Variants in ZNF676 observed in about 807,000 individuals in gnomAD.
The protein encoded by ZNF676 is zinc finger protein 676.
In ZNF676, 4 loss-of-function variants were observed where a neutral mutation model predicts 6.0. The ratio of observed to expected loss-of-function variants is 0.67; its 90% CI spans 0.33 to 1.53. The LOEUF (loss-of-function observed/expected upper bound fraction) is 1.53, where lower values mean the gene tolerates loss of function less well. Ranked by LOEUF, ZNF676 falls within the 40% of genes most tolerant of loss-of-function variation. ZNF676 has a pLI of 0.06. For missense variants in ZNF676, 644 were observed against 679.7 expected, an observed-to-expected ratio of 0.95 and a Z score of 0.58; for synonymous variants, 198 against 223.1, an observed-to-expected ratio of 0.89 and a Z score of 1.00.
upstream of ZNF676, among the ~76,000 whole-genome samples, chr19:22,199,240 T>G (rs1415079911): frequency 6.6e-6 from 1 of 152,218 alleles, no homozygotes; most frequent in African/African-American, 2.4e-5. Context: ...GCGCTGTCAA[T>G]AATGATGTTG....
In ZNF676 at chr19:22,181,410, G is replaced by C; in HGVS notation, c.307C>G (p.Gln103Glu). The C allele has an allele frequency of 8.1e-6, 13 of 1,613,514 alleles. No homozygotes were observed. Among genetic ancestry groups the C allele is most frequent in the Non-Finnish European group, 1.1e-5 (13 of 1,179,644 alleles). Residue 103 changes from glutamine (Q) to glutamate (E), a missense_variant, in exon 3 of 3, where the codon CAG (glutamine) becomes GAG (glutamate). Around this residue, in one of 5 missense-constraint regions of ZNF676, gnomAD observed 280 missense variants for 269.3 expected, o/e 1.04. Coordinates refer to ENST00000397121, the MANE Select transcript of ZNF676 (RefSeq NM_001001411.3). ...VHKEGYNKLN[Q>E]SLTTTQSKVF... ...TTGCTCTGTGTAGTTGTTAAACTCT[G>C]GTTAAGTTTATTATAACCTTCTTTG...
chr19:22,194,293 T>C (rs970684348), intron 1 of ZNF676, among the ~76,000 whole-genome samples: 3 of 152,290 alleles, frequency 2.0e-5, no homozygotes, highest in Admixed American at 1.3e-4. Context: ...ATGCCCCTGC[T>C]GCAGAAATGC....
the ZNF676 span, among the ~76,000 whole-genome samples, chr19:22,252,869 A>G: frequency 9.3e-4 from 142 of 152,354 alleles, no homozygotes; most frequent in African/African-American, 3.1e-3. Flanking sequence ...AGGCAGGAGC[A>G]TAAAATTGCT....
intron 2 of ZNF676, among the ~76,000 whole-genome samples, chr19:22,186,467 G>T (rs1341671117): frequency 3.9e-5 from 6 of 152,120 alleles, no homozygotes; most frequent in African/African-American, 1.4e-4. Flanking sequence ...TGAAGAAACT[G>T]CATCAACTAA....
chr19:22,257,597 G>A, the ZNF676 span, among the ~76,000 whole-genome samples: 3 of 152,168 alleles, frequency 2.0e-5, no homozygotes, highest in Admixed American at 2.0e-4. Flanking sequence ...CTCAGACATT[G>A]CACCCAGACA....
At chr19:22,224,883 A>G in the ZNF676 span, among the ~76,000 whole-genome samples, 3 of 152,154 alleles carry the variant, frequency 2.0e-5, no homozygotes, top group Non-Finnish European at 4.4e-5. Flanking sequence ...TGGTTCCAGC[A>G]ACCTGGGAGA....
At chr19:22,208,670 G>C (rs1387519298) in intron 1 of ZNF676, among the ~76,000 whole-genome samples, 2 of 152,196 alleles carry the variant, frequency 1.3e-5, no homozygotes. Flanking sequence ...GTATGGTTGG[G>C]CATGATGGCA....
chr19:22,249,760 G>A, the ZNF676 span, among the ~76,000 whole-genome samples: 2 of 11,616 alleles, frequency 1.7e-4, no homozygotes, highest in Non-Finnish European at 5.4e-4. Flanking sequence ...TAAGTACAAC[G>A]GGTTTTTTTT....
the ZNF676 span, among the ~76,000 whole-genome samples, chr19:22,232,593 T>G: frequency 6.6e-6 from 1 of 152,078 alleles, no homozygotes; most frequent in East Asian, 1.9e-4. Context: ...TAGAGAACAC[T>G]CCTCAACAAT....
chr19:22,234,035 A>G, the ZNF676 span, among the ~76,000 whole-genome samples: 1 of 152,356 alleles, frequency 6.6e-6, no homozygotes, highest in East Asian at 1.9e-4. Context: ...ACCATTGGCT[A>G]AAGCCCATGA....
the ZNF676 span, among the ~76,000 whole-genome samples, chr19:22,237,886 C>T: frequency 6.6e-6 from 1 of 152,298 alleles, no homozygotes; most frequent in East Asian, 1.9e-4. Flanking sequence ...CCTGGTGAGG[C>T]TGTGCATACA....
the ZNF676 span, among the ~76,000 whole-genome samples, chr19:22,236,345 T>G: frequency 1.3e-4 from 20 of 152,256 alleles, no homozygotes; most frequent in African/African-American, 4.6e-4. Context: ...AACTGTAAGT[T>G]GGACCTGAGC....
chr19:22,227,354 C>A, the ZNF676 span, among the ~76,000 whole-genome samples: 1 of 152,060 alleles, frequency 6.6e-6, no homozygotes, highest in Admixed American at 6.6e-5. Flanking sequence ...GGGTCACAGA[C>A]AAAGCAGTGC....
At chr19:22,235,986 G>A in the ZNF676 span, among the ~76,000 whole-genome samples, 144 of 150,478 alleles carry the variant, frequency 9.6e-4, 1 homozygote, top group African/African-American at 3.3e-3. Context: ...ACTTGGTTAA[G>A]CTTACGATAA....
chr19:22,208,428 T>C lies in ZNF676; in HGVS notation c.3+7204A>G, dbSNP rs572990987. 9.3e-4 allele frequency among the ~76,000 whole-genome samples: 137 copies of C among 146,988 alleles called. 5 individuals carry two copies. In the South Asian group the frequency reaches 0.028, roughly 30 times the overall value. ...CATCTCAAACCAGTGAGAATGGCAA[T>C]TATTATAATTCAACCATTGTGAAAA... On this transcript the variant is annotated intron_variant, in intron 1 of 3. Coordinates refer to the ZNF676 transcript ENST00000650058.
intron 1 of ZNF676, among the ~76,000 whole-genome samples, chr19:22,204,463 C>T (rs1039342265): frequency 1.9e-4 from 29 of 152,260 alleles, no homozygotes; most frequent in Non-Finnish European, 3.7e-4. Context: ...GTTTAATTTA[C>T]ATGAATGCAG....
the ZNF676 span, among the ~76,000 whole-genome samples, chr19:22,223,263 C>T: frequency 6.6e-6 from 1 of 152,170 alleles, no homozygotes; most frequent in Admixed American, 6.5e-5. Flanking sequence ...CAATCTTGGG[C>T]TTTAGCAGAG....
At chr19:22,240,753 C>G in the ZNF676 span, among the ~76,000 whole-genome samples, 13 of 151,938 alleles carry the variant, frequency 8.6e-5, no homozygotes, top group African/African-American at 3.2e-4. Flanking sequence ...GATCATGCTA[C>G]TGCACTCCAG....
At chr19:22,197,168 CAAAATT>C (rs2023975990), upstream of ZNF676, among the ~76,000 whole-genome samples, 2 of 151,806 alleles carry the variant, frequency 1.3e-5, no homozygotes, top group South Asian at 4.2e-4. Flanking sequence ...ACTAAAAACA[CAAAATT>C]AGCCATGCAT....
Sources: gnomAD v4.1 joint callset for allele counts (sites outside exome capture counted in the v4.1 genomes callset) on GRCh38, gnomAD v4.1.1 for gene constraint, gnomAD v4.1.1 regional missense constraint, MANE v1.5 for transcripts, NCBI Gene and HGNC (gene_info 2026-07-23, HGNC 2026-07-21) for gene names.